SKP2: variants seen among roughly 807,000 people sequenced by gnomAD.
SKP2 encodes the protein S-phase kinase-associated protein 2.
SKP2 carries 16 observed loss-of-function variants against 51.8 expected under a neutral mutation model. The observed-to-expected ratio is 0.31, with a 90% confidence interval of 0.21 to 0.47. The LOEUF (loss-of-function observed/expected upper bound fraction) is 0.47. Among genes scored for constraint, SKP2 ranks in the 20% least tolerant of loss-of-function variants. The probability of loss-of-function intolerance (pLI) is 1.00; values close to 1 mark genes in which losing one functional copy is unlikely to be tolerated. For synonymous variants in SKP2, 176 were observed against 198.6 expected, an observed-to-expected ratio of 0.89 and a Z score of 0.96; for missense variants, 377 against 505.3, an observed-to-expected ratio of 0.75 and a Z score of 2.43.
rs1384186445 is a variant in SKP2 at position 36,184,000 on chromosome 5, T to C, written c.*1969T>C. Reference sequence around the variant, plus strand: ...TGATTTCTACTTTTATAGACTTGTTTTAAAACAATAAAACACATTTTTATA... The same window carrying C: ...TGATTTCTACTTTTATAGACTTGTTCTAAAACAATAAAACACATTTTTATA... On this transcript the variant is annotated 3_prime_UTR_variant, in exon 10 of 10. Transcript: ENST00000274255. 7.1e-6 allele frequency: 11 copies of C among 1,551,052 alleles called. No homozygotes were observed. The Admixed American group carries it at 7.1e-5, about 10-fold the overall frequency.
Position 36,183,008 on chromosome 5 carries a change from A to T in SKP2, c.*977A>T. On this transcript the variant is annotated 3_prime_UTR_variant, in exon 10 of 10. Coordinates refer to ENST00000274255, the MANE Select transcript of SKP2 (RefSeq NM_005983.4). ...ATTTTAAATTGTATTTTTTTTTTAA[A>T]TGATCTCTCAGCAATAATTGTTTGA... 1.1e-6 allele frequency: 1 copy of T among 948,608 alleles called. No individual in the cohort carries two copies. Among genetic ancestry groups the T allele is most frequent in the Non-Finnish European group, 1.3e-6 (1 of 797,318 alleles). 58.8% of individuals were successfully genotyped at this position (948,608 alleles called of 1,614,324 possible).
intron 7 of SKP2, among the ~76,000 whole-genome samples, chr5:36,172,138 T>C (rs1257543060): frequency 6.6e-6 from 1 of 152,184 alleles, no homozygotes; most frequent in African/African-American, 2.4e-5. Flanking sequence ...CATTTTTTAT[T>C]GTCACAGCTG....
intron 9 of SKP2, 61 bp downstream of exon 9, chr5:36,177,353 G>A: frequency 9.9e-7 from 1 of 1,007,936 alleles, no homozygotes; most frequent in Non-Finnish European, 1.6e-6. Context: ...ATGCCCCTTG[G>A]TGTGAAAATC....
At position 36,169,218 on chromosome 5, in the gene SKP2, G is replaced by A. The variant is rs188436307; in HGVS notation, c.671+771G>A. ...CCAGCACTTTGGGAGGCTAAGGTGG[G>A]CAGATCACCTGAGGTTGGGAGTTTG... On this transcript the variant is annotated intron_variant, in intron 5 of 9. Coordinates refer to ENST00000274255, the MANE Select transcript of SKP2 (RefSeq NM_005983.4). Among the ~76,000 whole-genome samples the A allele has an allele frequency of 3.5e-3, 530 of 152,282 alleles. 3 individuals carry two copies. The highest frequency in any genetic ancestry group is 0.012 in the African/African-American group (508 of 41,558).
At chr5:36,166,737 T>TTTC in intron 4 of SKP2, 75 bp downstream of exon 4, 1 of 1,383,780 alleles carries the variant, frequency 7.2e-7, no homozygotes, top group Non-Finnish European at 1.0e-6. Flanking sequence ...TTTTTTTTTT[T>TTTC]TTTCTTTCTT....
intron 4 of SKP2, among the ~76,000 whole-genome samples, chr5:36,167,274 G>A (rs776132120): frequency 2.0e-5 from 3 of 152,148 alleles, no homozygotes; most frequent in Non-Finnish European, 4.4e-5. Context: ...CATGTCTCCT[G>A]ACTCCAGTAC....
At position 36,152,248 on chromosome 5, in the gene SKP2, G is replaced by C; in HGVS notation, c.-15G>C. 1 of 1,613,836 alleles carries C rather than the reference G, an allele frequency of 6.2e-7. No individual in the cohort carries two copies. The highest frequency in any genetic ancestry group is 8.5e-7 in the Non-Finnish European group (1 of 1,179,736). On this transcript the variant is annotated 5_prime_UTR_variant, in exon 1 of 10. Transcript: ENST00000274255. ...GTTAATGCACGTATTTTAAACTCCC[G>C]GGCCTGCGGACGCTATGCACAGGTA...
At chr5:36,162,498 A>G (rs945757433) in intron 2 of SKP2, among the ~76,000 whole-genome samples, 13 of 152,116 alleles carry the variant, frequency 8.5e-5, no homozygotes, top group African/African-American at 2.9e-4. Flanking sequence ...GCACAGATCA[A>G]TTTTACTATA....
intron 9 of SKP2, chr5:36,180,187 T>C: frequency 1.1e-6 from 1 of 886,296 alleles, no homozygotes; most frequent in Non-Finnish European, 1.7e-6. Flanking sequence ...TGGCTCACAA[T>C]TTGGCTAATT....
At chr5:36,178,079 T>G (rs1347080960) in intron 9 of SKP2, among the ~76,000 whole-genome samples, 1 of 152,112 alleles carries the variant, frequency 6.6e-6, no homozygotes, top group Non-Finnish European at 1.5e-5. Context: ...TTTGAAAAGG[T>G]TTTCTGCATT....
chr5:36,153,213 G>GATATATATATATATATATATATATAT (rs3038049), intron 2 of SKP2, among the ~76,000 whole-genome samples, 171 bp downstream of exon 2: 1 of 147,640 alleles, frequency 6.8e-6, no homozygotes, highest in African/African-American at 2.5e-5. Context: ...AATCTTGGTA[G>GATATATATATATATATATATATATAT]ATATATATAT....
At chr5:36,158,504 T>G (rs976097653) in intron 2 of SKP2, among the ~76,000 whole-genome samples, 1 of 152,208 alleles carries the variant, frequency 6.6e-6, no homozygotes, top group African/African-American at 2.4e-5. Flanking sequence ...CACTGGGTAC[T>G]TGGCTGCTAG....
intron 6 of SKP2, 88 bp from the exon 7 acceptor site, chr5:36,171,515 G>A (rs1157114434): frequency 8.3e-7 from 1 of 1,207,250 alleles, no homozygotes; most frequent in Non-Finnish European, 1.2e-6. Context: ...GGAATCCATG[G>A]TTTTATATTT....
chr5:36,191,242 A>G (rs1036752713), intron 6 of SKP2, among the ~76,000 whole-genome samples: 1 of 152,082 alleles, frequency 6.6e-6, no homozygotes, highest in African/African-American at 2.4e-5. Flanking sequence ...GACATTTTTG[A>G]TGGTCACAAG....
At position 36,163,740 on chromosome 5, in the gene SKP2, A is replaced by C; in HGVS notation, c.376A>C (p.Arg126=). 1 of 1,610,774 alleles carries C rather than the reference A, an allele frequency of 6.2e-7. No homozygotes were observed. The highest frequency in any genetic ancestry group is 8.5e-7 in the Non-Finnish European group (1 of 1,176,970). The part of the protein sequence containing the change: ...ELLKVSGVCK[R]WYRLASDESL... ...GCTAAAGGTCTCTGGTGTTTGTAAG[A>C]GGTGGTATCGCCTAGCGTAAGTATT... Residue 126 remains arginine (R), a synonymous_variant, in exon 3 of 10, where the codon AGG becomes CGG. Transcript: ENST00000274255.
intron 2 of SKP2, among the ~76,000 whole-genome samples, chr5:36,159,997 AAAAG>A (rs1485187593): frequency 6.6e-6 from 1 of 152,224 alleles, no homozygotes. Flanking sequence ...AGGAATATAG[AAAAG>A]AAAGTTTTAC....
At chr5:36,166,441 AC>A in intron 3 of SKP2, 77 bp from the exon 4 acceptor site, 1 of 1,259,962 alleles carries the variant, frequency 7.9e-7, no homozygotes, top group Non-Finnish European at 1.2e-6. Flanking sequence ...GCAGTGTCCT[AC>A]CTGTTAGTAA....
chr5:36,167,343 C>T (rs934792872), intron 4 of SKP2, among the ~76,000 whole-genome samples: 3 of 152,146 alleles, frequency 2.0e-5, no homozygotes, highest in Non-Finnish European at 4.4e-5. Context: ...TCCTGTTCCT[C>T]CTGTGGCTGT....
chr5:36,152,808 G>A lies in SKP2; in HGVS notation c.46G>A (p.Val16Ile). The A allele has an allele frequency of 4.3e-6, 7 of 1,614,060 alleles. No individual in the cohort carries two copies. Among genetic ancestry groups the A allele is most frequent in the Non-Finnish European group, 5.1e-6 (6 of 1,180,026 alleles). Residue 16 changes from valine to isoleucine, a missense_variant, in exon 2 of 10, where the codon GTT (valine) becomes ATT (isoleucine). Physicochemically the swap from Val to Ile is conservative, Grantham distance 29 (BLOSUM62 3). Coordinates refer to ENST00000274255, the MANE Select transcript of SKP2 (RefSeq NM_005983.4). Reference sequence around the variant, plus strand: ...GGAGATTCCAGACCTGAGTAGCAACGTTGCCACCAGCTTCACGTGGGGATG... The same window carrying A: ...GGAGATTCCAGACCTGAGTAGCAACATTGCCACCAGCTTCACGTGGGGATG... ...LQEIPDLSSN[V>I]ATSFTWGWDS...
Sources: gnomAD v4.1 joint callset for allele counts (sites outside exome capture counted in the v4.1 genomes callset) on GRCh38, gnomAD v4.1.1 for gene constraint, MANE v1.5 for transcripts, NCBI Gene and HGNC (gene_info 2026-07-23, HGNC 2026-07-21) for gene names.